The following GLRA2 variants were observed in gnomAD, a reference collection of about 807,000 sequenced individuals.
The protein encoded by GLRA2 is glycine receptor subunit alpha-2.
A neutral mutation model predicts 31.6 loss-of-function variants in GLRA2; 11 were observed. The observed-to-expected ratio is 0.35, with a 90% CI of 0.22 to 0.58. The LOEUF is 0.58. GLRA2 is among the 20% of genes least tolerant of loss of function. The probability of loss-of-function intolerance (pLI) is 0.84; values close to 1 mark genes in which losing one functional copy is unlikely to be tolerated. For synonymous variants in GLRA2, 132 were observed against 134.0 expected (o/e 0.99, Z 0.10); for missense variants, 212 against 351.8 (o/e 0.60, Z 3.18).
At chrX:14,489,138 CT>C in the GLRA2 span, among the ~76,000 whole-genome samples, 1 of 112,055 alleles carries the variant, frequency 8.9e-6, no homozygotes, top group African/African-American at 3.2e-5. Context: ...TGGTTATTTC[CT>C]TTCTTTTTTG....
the GLRA2 span, among the ~76,000 whole-genome samples, chrX:14,457,106 A>T: frequency 8.9e-6 from 1 of 112,034 alleles, no homozygotes; most frequent in Non-Finnish European, 1.9e-5. Context: ...TTTTCTGATG[A>T]TTAGTGATGT....
chrX:14,694,725 T>A (rs1161248410), intron 8 of GLRA2, among the ~76,000 whole-genome samples: 2 of 112,753 alleles, frequency 1.8e-5, no homozygotes, highest in Non-Finnish European at 3.8e-5. Context: ...AGGCACTGTG[T>A]AAATCCTTAG....
intron 7 of GLRA2, among the ~76,000 whole-genome samples, chrX:14,647,044 G>A (rs1435444137): frequency 5.4e-5 from 6 of 111,634 alleles, no homozygotes; most frequent in Non-Finnish European, 1.1e-4. Flanking sequence ...CTGACACGGG[G>A]AAGCATGAAC....
At chrX:14,472,731 A>G in the GLRA2 span, among the ~76,000 whole-genome samples, 1 of 111,717 alleles carries the variant, frequency 9.0e-6, no homozygotes. Flanking sequence ...TGGTCAAATA[A>G]GTAGGCATTG....
chrX:14,487,114 TAAA>T, the GLRA2 span, among the ~76,000 whole-genome samples: 2 of 110,406 alleles, frequency 1.8e-5, no homozygotes, highest in African/African-American at 3.3e-5. Flanking sequence ...ATATATTTAA[TAAA>T]AAACACAGCA....
chrX:14,641,791 C>T (rs1477247820), intron 7 of GLRA2, among the ~76,000 whole-genome samples: 1 of 111,931 alleles, frequency 8.9e-6, no homozygotes, highest in African/African-American at 3.2e-5. Flanking sequence ...GGGTCTGAAT[C>T]TCCAGGTCTA....
At chrX:14,501,873 AGTTGGG>A in the GLRA2 span, among the ~76,000 whole-genome samples, 1 of 111,066 alleles carries the variant, frequency 9.0e-6, no homozygotes, top group African/African-American at 3.3e-5. Flanking sequence ...ATCAAGGTGT[AGTTGGG>A]GTTGGTTTCT....
At position 14,575,593 on chromosome X, in the gene GLRA2, C is replaced by T. The variant is rs772618386; in HGVS notation, c.270+1193C>T. On this transcript the variant is annotated intron_variant, in intron 3 of 8. Coordinates refer to ENST00000218075, the MANE Select transcript of GLRA2 (RefSeq NM_002063.4). ...ATTCCTGCCTCAGCCTCCCAAGTAG[C>T]TAGGACTACAGGTGCACACCACCAC... Among the ~76,000 whole-genome samples, 141 of 106,545 alleles carry T rather than the reference C, an allele frequency of 1.3e-3. 1 individual carries two copies. Among genetic ancestry groups the T allele is most frequent in the African/African-American group, 4.8e-3 (139 of 28,713 alleles). 92.5% of individuals were successfully genotyped at this position (106,545 alleles called of 115,157 possible).
chrX:14,542,525 T>C (rs1358703959), intron 2 of GLRA2, among the ~76,000 whole-genome samples: 1 of 110,981 alleles, frequency 9.0e-6, no homozygotes, highest in Non-Finnish European at 1.9e-5. Flanking sequence ...GCTGTAGTTA[T>C]GGTTGATGGA....
At chrX:14,587,905 ATTT>A in intron 4 of GLRA2, among the ~76,000 whole-genome samples, 1 of 98,455 alleles carries the variant, frequency 1.0e-5, no homozygotes, top group Admixed American at 1.1e-4. Flanking sequence ...TCTGTCTAGG[ATTT>A]TTTTTTTTTT....
intron 3 of GLRA2, among the ~76,000 whole-genome samples, chrX:14,575,857 A>G (rs2089951704): frequency 9.0e-6 from 1 of 111,521 alleles, no homozygotes; most frequent in Admixed American, 9.5e-5. Context: ...CGGCTACAGC[A>G]TGGAGGTTGC....
intron 7 of GLRA2, among the ~76,000 whole-genome samples, chrX:14,649,689 G>A (rs186553624): frequency 9.0e-6 from 1 of 111,419 alleles, no homozygotes; most frequent in Admixed American, 9.6e-5. Context: ...AGTCCAAGAC[G>A]CAATACATGA....
chrX:14,604,629 C>T (rs936071718), intron 5 of GLRA2, among the ~76,000 whole-genome samples: 1 of 104,264 alleles, frequency 9.6e-6, no homozygotes, highest in Non-Finnish European at 2.0e-5. Flanking sequence ...GCATAGGCAA[C>T]CTTTCAAAGT....
intron 7 of GLRA2, among the ~76,000 whole-genome samples, chrX:14,624,156 T>C (rs964905063): frequency 8.9e-6 from 1 of 112,075 alleles, no homozygotes; most frequent in Non-Finnish European, 1.9e-5. Context: ...TATAGTATTC[T>C]CTGATGGTAG....
the GLRA2 span, among the ~76,000 whole-genome samples, chrX:14,490,825 A>G: frequency 8.9e-6 from 1 of 111,920 alleles, no homozygotes; most frequent in South Asian, 3.7e-4. Context: ...TATCACCTAC[A>G]TGGGTTTTAA....
chrX:14,556,135 T>G (rs1278750979), intron 2 of GLRA2, among the ~76,000 whole-genome samples: 1 of 111,993 alleles, frequency 8.9e-6, no homozygotes, highest in African/African-American at 3.2e-5. Context: ...GAAACAAATG[T>G]GTATATGTGT....
rs3027361 is a variant in GLRA2 at position 14,590,418 on chromosome X, T to C, written c.494+9012T>C. Among the ~76,000 whole-genome samples the C allele has an allele frequency of 6.4e-3, 719 of 112,055 alleles. 3 individuals carry two copies. Among genetic ancestry groups the C allele is most frequent in the Admixed American group, 8.0e-3 (85 of 10,563 alleles). On this transcript the variant is annotated intron_variant, in intron 4 of 8. Transcript: ENST00000218075. ...ACATAAAAGGCTAGCTTTTCTCACA[T>C]GGCCTCCCATCCTTGACTCATCCTA...
At chrX:14,575,895 C>G (rs751361336) in intron 3 of GLRA2, among the ~76,000 whole-genome samples, 1 of 111,044 alleles carries the variant, frequency 9.0e-6, no homozygotes, top group South Asian at 3.8e-4. Context: ...TTCTTGGTCC[C>G]CATATTATTT....
the GLRA2 span, among the ~76,000 whole-genome samples, chrX:14,486,292 A>G: frequency 8.9e-6 from 1 of 111,953 alleles, no homozygotes; most frequent in African/African-American, 3.2e-5. Flanking sequence ...ATAAAAACCT[A>G]CAGAAGAAAA....
Sources: allele counts gnomAD v4.1 joint callset (sites outside exome capture counted in the v4.1 genomes callset), GRCh38; gene constraint gnomAD v4.1.1; transcripts MANE v1.5; gene names NCBI Gene and HGNC (gene_info 2026-07-23, HGNC 2026-07-21).